FAM78B: variants seen among roughly 807,000 people sequenced by gnomAD.
FAM78B encodes family with sequence similarity 78 member B.
FAM78B carries 10 observed loss-of-function variants against 20.0 expected under a neutral mutation model. That is an observed-to-expected ratio of 0.50 (90% CI 0.31 to 0.85). FAM78B has a LOEUF of 0.85. FAM78B is among the 40% of genes least tolerant of loss of function. The pLI is 0.05. For synonymous variants in FAM78B, 135 were observed against 132.8 expected (o/e 1.02, Z -0.12); for missense variants, 283 against 345.0 (o/e 0.82, Z 1.42).
rs2101813162 is a variant in FAM78B, at chr1:166,166,836, G to T, written c.-588C>A. ...CGGAGGCAGCAGCGGCGGCGGCGGCGACCGGAGCTCCCGCCGGCCCCGCCC... is the reference window on the plus strand; with the variant it reads ...CGGAGGCAGCAGCGGCGGCGGCGGCTACCGGAGCTCCCGCCGGCCCCGCCC... On this transcript the variant is annotated 5_prime_UTR_variant, in exon 1 of 2. Transcript: ENST00000354422. 1 of 150,774 alleles carries T rather than the reference G, an allele frequency of 6.6e-6. No individual in the cohort carries two copies. The highest frequency in any genetic ancestry group is 1.9e-4 in the South Asian group (1 of 5,150). The allele number at this position is 150,774 out of a possible 1,614,324, so 9.3% of individuals were successfully genotyped here.
intron 1 of FAM78B, among the ~76,000 whole-genome samples, chr1:166,084,650 C>T (rs1264392659): frequency 6.6e-6 from 1 of 152,236 alleles, no homozygotes; most frequent in Non-Finnish European, 1.5e-5. Flanking sequence ...TTCAGAGTGG[C>T]TTCCCTGCAC....
chr1:166,156,323 A>T (rs538013794), intron 1 of FAM78B, among the ~76,000 whole-genome samples: 8 of 152,364 alleles, frequency 5.3e-5, no homozygotes, highest in Admixed American at 5.2e-4. Flanking sequence ...TTCAGACATC[A>T]TAAATGATGC....
chr1:166,097,103 G>C (rs936304538), intron 1 of FAM78B, among the ~76,000 whole-genome samples: 2 of 152,186 alleles, frequency 1.3e-5, no homozygotes, highest in Non-Finnish European at 2.9e-5. Flanking sequence ...CACCCCTGCC[G>C]GAGAAGCTGA....
intron 1 of FAM78B, among the ~76,000 whole-genome samples, chr1:166,090,319 C>A (rs926784068): frequency 6.6e-6 from 1 of 152,218 alleles, no homozygotes; most frequent in Non-Finnish European, 1.5e-5. Context: ...CTGGTCATCA[C>A]AATCATCTGT....
intron 1 of FAM78B, among the ~76,000 whole-genome samples, chr1:166,132,216 A>G (rs554620768): frequency 1.3e-5 from 2 of 152,358 alleles, no homozygotes; most frequent in South Asian, 4.1e-4. Context: ...AGCAGTTCAC[A>G]TAATAGCTGA....
intron 1 of FAM78B, among the ~76,000 whole-genome samples, chr1:166,139,541 G>T (rs1230038930): frequency 1.3e-5 from 2 of 152,108 alleles, no homozygotes; most frequent in Non-Finnish European, 2.9e-5. Context: ...AGTCGAGAGG[G>T]AACAGAGAAG....
chr1:166,104,215 G>C (rs1368340192), intron 1 of FAM78B, among the ~76,000 whole-genome samples: 3 of 152,090 alleles, frequency 2.0e-5, no homozygotes, highest in Non-Finnish European at 4.4e-5. Flanking sequence ...AAAATAATAA[G>C]AGCTATTTAT....
intron 2 of FAM78B, among the ~76,000 whole-genome samples, chr1:166,061,024 C>T (rs1651577402): frequency 6.6e-6 from 1 of 152,172 alleles, no homozygotes; most frequent in Admixed American, 6.5e-5. Flanking sequence ...AAGGGACTTG[C>T]AAGAATCACT....
chr1:166,152,063 T>C (rs757898193), intron 1 of FAM78B, among the ~76,000 whole-genome samples: 10 of 152,162 alleles, frequency 6.6e-5, no homozygotes, highest in Non-Finnish European at 1.2e-4. Flanking sequence ...AAAGACAAAT[T>C]TTCTCAAAGA....
At chr1:166,109,894 A>ATATATATG (rs1653974113) in intron 1 of FAM78B, among the ~76,000 whole-genome samples, 3 of 57,754 alleles carry the variant, frequency 5.2e-5, no homozygotes, top group African/African-American at 2.5e-4. Context: ...ATATATGTAT[A>ATATATATG]TATATATATA....
intron 1 of FAM78B, among the ~76,000 whole-genome samples, chr1:166,093,990 G>A (rs1029741468): frequency 8.3e-6 from 1 of 120,612 alleles, no homozygotes; most frequent in African/African-American, 3.0e-5. Context: ...GGGCACACAG[G>A]GCTTGCGAAT....
intron 1 of FAM78B, among the ~76,000 whole-genome samples, chr1:166,117,621 T>A (rs1557906310): frequency 6.6e-6 from 1 of 152,162 alleles, no homozygotes; most frequent in African/African-American, 2.4e-5. Flanking sequence ...AAGAAGGTAG[T>A]TAGTTGTTTT....
intron 1 of FAM78B, among the ~76,000 whole-genome samples, chr1:166,077,898 ATTT>A (rs1652376925): frequency 1.9e-4 from 1 of 5,182 alleles, no homozygotes. Flanking sequence ...AATATATATA[ATTT>A]ATATATATAA....
intron 1 of FAM78B, among the ~76,000 whole-genome samples, chr1:166,124,230 C>CA (rs1654564271): frequency 6.6e-6 from 1 of 152,196 alleles, no homozygotes; most frequent in South Asian, 2.1e-4. Flanking sequence ...GTAATGCAGT[C>CA]ATCCTTCCAC....
At chr1:166,141,220 G>A (rs1655264325) in intron 1 of FAM78B, among the ~76,000 whole-genome samples, 1 of 152,224 alleles carries the variant, frequency 6.6e-6, no homozygotes, top group African/African-American at 2.4e-5. Context: ...AACGTACATA[G>A]GTCTGATCTC....
intron 1 of FAM78B, among the ~76,000 whole-genome samples, chr1:166,077,860 AT>A (rs1295442233): frequency 8.6e-5 from 3 of 35,066 alleles, no homozygotes; most frequent in African/African-American, 2.2e-4. Flanking sequence ...AATATATATA[AT>A]TTATATATAT....
intron 1 of FAM78B, among the ~76,000 whole-genome samples, chr1:166,148,257 C>T (rs537447141): frequency 2.0e-5 from 3 of 152,292 alleles, no homozygotes; most frequent in East Asian, 3.9e-4. Flanking sequence ...TTGGCAAGAG[C>T]GATTGCAATA....
chr1:166,070,432 C>T lies in FAM78B; in HGVS notation c.595G>A (p.Val199Met). The change falls in exon 2 of 2, where the codon GTG becomes ATG. Residue 199 changes from valine to methionine, a missense_variant. Val to Met is a conservative substitution (Grantham distance 21, BLOSUM62 1). Transcript: ENST00000354422. ...IKWRMRVDIE[V>M]DPLQLLGQRA... is the part of the protein sequence containing the mutation. ...TGCCCCAAGAGCTGAAGAGGGTCCA[C>T]TTCAATGTCCACCCTCATCCTCCAC... The T allele has an allele frequency of 1.2e-6, 2 of 1,614,234 alleles. No homozygotes were observed. The highest frequency in any genetic ancestry group is 1.7e-6 in the Non-Finnish European group (2 of 1,180,028).
chr1:166,109,436 A>G (rs971971283), intron 1 of FAM78B, among the ~76,000 whole-genome samples: 9 of 152,192 alleles, frequency 5.9e-5, no homozygotes, highest in Non-Finnish European at 1.0e-4. Context: ...GATCAGGGAA[A>G]TGCAAATCAA....
Sources: gnomAD v4.1 joint callset for allele counts (sites outside exome capture counted in the v4.1 genomes callset) on GRCh38, gnomAD v4.1.1 for gene constraint, MANE v1.5 for transcripts, NCBI Gene and HGNC (gene_info 2026-07-23, HGNC 2026-07-21) for gene names.